The following PLCH1 variants were observed in gnomAD, a reference collection of about 807,000 sequenced individuals.
PLCH1 encodes the protein 1-phosphatidylinositol 4,5-bisphosphate phosphodiesterase eta-1.
In PLCH1, 60 loss-of-function variants were observed where a neutral mutation model predicts 126.7. That is an observed-to-expected ratio of 0.47 (90% CI 0.38 to 0.59). PLCH1 has a LOEUF of 0.59. PLCH1 is among the 20% of genes least tolerant of loss of function. PLCH1 has a pLI of 0.00. For missense variants in PLCH1, 1,723 were observed against 2,040.0 expected (o/e 0.84, Z 2.99); for synonymous variants, 719 against 734.9 (o/e 0.98, Z 0.35).
intron 8 of PLCH1, among the ~76,000 whole-genome samples, chr3:155,559,691 A>G (rs1197368980): frequency 6.6e-6 from 1 of 152,170 alleles, no homozygotes. Flanking sequence ...TCAAAATTAT[A>G]CCATAGCTGT....
intron 2 of PLCH1, among the ~76,000 whole-genome samples, chr3:155,623,619 C>G (rs1247700679): frequency 6.6e-6 from 1 of 152,090 alleles, no homozygotes; most frequent in Non-Finnish European, 1.5e-5. Context: ...TCAGAGAATA[C>G]TATGAACACC....
intron 8 of PLCH1, among the ~76,000 whole-genome samples, chr3:155,563,655 A>G (rs1727928213): frequency 6.6e-6 from 1 of 152,138 alleles, no homozygotes; most frequent in Non-Finnish European, 1.5e-5. Flanking sequence ...AAAACTTTTA[A>G]AATTATCCTT....
intron 12 of PLCH1, among the ~76,000 whole-genome samples, chr3:155,511,732 G>C (rs1476668984): frequency 2.1e-5 from 3 of 144,890 alleles, no homozygotes; most frequent in Admixed American, 1.4e-4. Flanking sequence ...GCTGCGTGCT[G>C]GGAGAACCAC....
intron 4 of PLCH1, among the ~76,000 whole-genome samples, chr3:155,589,037 T>C (rs1229219916): frequency 2.6e-5 from 4 of 152,200 alleles, no homozygotes; most frequent in Non-Finnish European, 4.4e-5. Flanking sequence ...TAATAATTTA[T>C]AGCCACACCA....
intron 17 of PLCH1, among the ~76,000 whole-genome samples, chr3:155,493,475 C>T (rs1007606491): frequency 6.6e-6 from 1 of 152,122 alleles, no homozygotes; most frequent in African/African-American, 2.4e-5. Flanking sequence ...GCAACCTCTG[C>T]CTCCTGGGTT....
chr3:155,675,904 A>G (rs950714517), intron 2 of PLCH1: 4 of 690,416 alleles, frequency 5.8e-6, no homozygotes, highest in Non-Finnish European at 9.7e-6. Context: ...TCAAATAAAT[A>G]TTTAACTTAA....
intron 2 of PLCH1, among the ~76,000 whole-genome samples, chr3:155,597,431 A>AT (rs961161690): frequency 9.9e-5 from 15 of 152,138 alleles, no homozygotes; most frequent in Admixed American, 3.9e-4. Flanking sequence ...CCTTCCAAAT[A>AT]TTTTTTTATT....
rs777821338 is a variant in PLCH1, at chr3:155,482,584, C to T, written c.3442G>A (p.Val1148Ile). Reference sequence around the variant, plus strand: ...GGTATGTCAGAACAGAGCATGGAGACGTCTGACAAAGAAAAGGATGTTGCA... The same window carrying T: ...GGTATGTCAGAACAGAGCATGGAGATGTCTGACAAAGAAAAGGATGTTGCA... ...RAATSFSLSD[V>I]SMLCSDIPDL... The change falls in exon 23 of 23, where the codon GTC becomes ATC. Residue 1148 changes from valine (V) to isoleucine (I), a missense_variant. Val to Ile is a conservative substitution (Grantham distance 29). Around this residue, in one of 2 missense-constraint regions of PLCH1, gnomAD observed 947 missense variants for 977.1 expected, o/e 0.97. Coordinates refer to ENST00000460012, the MANE Select transcript of PLCH1 (RefSeq NM_014996.4). The T allele has an allele frequency of 2.0e-5, 32 of 1,614,026 alleles. 1 individual carries two copies. Among genetic ancestry groups the T allele is most frequent in the South Asian group, 3.3e-5 (3 of 91,086 alleles).
chr3:155,522,966 G>A (rs1224600459), intron 11 of PLCH1, among the ~76,000 whole-genome samples: 1 of 149,776 alleles, frequency 6.7e-6, no homozygotes, highest in Non-Finnish European at 1.5e-5. Flanking sequence ...TTTTTTGCGG[G>A]GGGGGTGGGG....
chr3:155,610,290 G>A (rs987217221), intron 2 of PLCH1, among the ~76,000 whole-genome samples: 1 of 149,604 alleles, frequency 6.7e-6, no homozygotes, highest in Non-Finnish European at 1.5e-5. Context: ...GAACCTGGGA[G>A]GCAGAGGTTG....
chr3:155,482,535 A>T lies in PLCH1; in HGVS notation c.3491T>A (p.Leu1164Gln). The T allele has an allele frequency of 6.2e-7, 1 of 1,614,238 alleles. No individual in the cohort carries two copies. The highest frequency in any genetic ancestry group is 8.5e-7 in the Non-Finnish European group (1 of 1,180,038). Residue 1164 changes from leucine (L) to glutamine (Q), a missense_variant, in exon 23 of 23, where the codon CTG (leucine) becomes CAG (glutamine). Physicochemically the swap from Leu to Gln is moderately radical, Grantham distance 113. Coordinates refer to ENST00000460012, the MANE Select transcript of PLCH1 (RefSeq NM_014996.4). ...DIPDLHSTAI[L>Q]QESVISHLID... Reference sequence around the variant, plus strand: ...AAGATGGGAAATTACACTCTCCTGCAGAATTGCAGTTGAATGTAGGTCAGG... The same window carrying T: ...AAGATGGGAAATTACACTCTCCTGCTGAATTGCAGTTGAATGTAGGTCAGG...
chr3:155,631,621 G>T (rs1012781608), intron 2 of PLCH1, among the ~76,000 whole-genome samples: 5 of 152,170 alleles, frequency 3.3e-5, no homozygotes, highest in Admixed American at 2.0e-4. Flanking sequence ...CACTCCAATT[G>T]CTGATAAGTA....
At chr3:155,642,911 C>A (rs556293531) in intron 2 of PLCH1, among the ~76,000 whole-genome samples, 1 of 152,048 alleles carries the variant, frequency 6.6e-6, no homozygotes, top group South Asian at 2.1e-4. Flanking sequence ...TCATAATGGG[C>A]CTTGCAGCTT....
At chr3:155,506,049 C>T (rs1366232880) in intron 12 of PLCH1, among the ~76,000 whole-genome samples, 1 of 152,016 alleles carries the variant, frequency 6.6e-6, no homozygotes, top group African/African-American at 2.4e-5. Context: ...GTATAAAGCA[C>T]GGCTGTCACA....
At chr3:155,614,030 A>T (rs1735473752) in intron 2 of PLCH1, among the ~76,000 whole-genome samples, 1 of 152,244 alleles carries the variant, frequency 6.6e-6, no homozygotes, top group Non-Finnish European at 1.5e-5. Flanking sequence ...TCAAATCAAT[A>T]ACTCAACCCC....
At chr3:155,513,601 T>C (rs1484421586) in intron 12 of PLCH1, among the ~76,000 whole-genome samples, 1 of 152,188 alleles carries the variant, frequency 6.6e-6, no homozygotes, top group African/African-American at 2.4e-5. Flanking sequence ...TGAAAATAAA[T>C]GGCTGGAGGC....
At chr3:155,512,192 G>A (rs531157973) in intron 12 of PLCH1, among the ~76,000 whole-genome samples, 1 of 152,228 alleles carries the variant, frequency 6.6e-6, no homozygotes, top group East Asian at 1.9e-4. Flanking sequence ...GTGAGGCAAT[G>A]CCTCGCCCTC....
intron 2 of PLCH1, among the ~76,000 whole-genome samples, chr3:155,671,413 G>A (rs1463694064): frequency 6.6e-6 from 1 of 152,084 alleles, no homozygotes; most frequent in Non-Finnish European, 1.5e-5. Flanking sequence ...AATAACTTAG[G>A]CGGTTACTTT....
intron 2 of PLCH1, among the ~76,000 whole-genome samples, chr3:155,649,257 A>G (rs1740413455): frequency 6.6e-6 from 1 of 152,180 alleles, no homozygotes; most frequent in Non-Finnish European, 1.5e-5. Flanking sequence ...ACATGCCTGA[A>G]GCTGCTAGAG....
Sources: gnomAD v4.1 joint callset for allele counts (sites outside exome capture counted in the v4.1 genomes callset) on GRCh38, gnomAD v4.1.1 for gene constraint, gnomAD v4.1.1 regional missense constraint, MANE v1.5 for transcripts, NCBI Gene and HGNC (gene_info 2026-07-23, HGNC 2026-07-21) for gene names.